Variants in JPH3 observed in about 807,000 individuals in gnomAD.
JPH3 encodes junctophilin-3.
Under a neutral mutation model 59.6 loss-of-function variants are expected in JPH3, and 11 were observed. That is an observed-to-expected ratio of 0.18 (90% confidence interval 0.12 to 0.31). The LOEUF (loss-of-function observed/expected upper bound fraction) is 0.31, where lower values mean the gene tolerates loss of function less well. JPH3 is among the 10% of genes least tolerant of loss of function. The pLI, the probability that JPH3 is intolerant of heterozygous loss-of-function variation, is 1.00. For synonymous variants in JPH3, 673 were observed against 483.6 expected (o/e 1.39, Z -5.14); for missense variants, 1,202 against 1,105.7 (o/e 1.09, Z -1.24).
intron 2 of JPH3, among the ~76,000 whole-genome samples, chr16:87,651,025 C>G (rs1003046181): frequency 6.6e-6 from 1 of 152,362 alleles, no homozygotes; most frequent in Admixed American, 6.5e-5. Context: ...CAGGCTGACT[C>G]TCTTGTTAGG....
chr16:87,675,876 A>G (rs539664401), intron 2 of JPH3, among the ~76,000 whole-genome samples: 1 of 152,272 alleles, frequency 6.6e-6, no homozygotes, highest in East Asian at 1.9e-4. Context: ...CCCTTCCTCC[A>G]GGCTGCCTGC....
intron 2 of JPH3, among the ~76,000 whole-genome samples, chr16:87,681,395 C>T (rs1276282596): frequency 1.4e-5 from 2 of 138,460 alleles, no homozygotes; most frequent in Admixed American, 7.2e-5. Flanking sequence ...AGGTCAGGTG[C>T]GCGCGGTCGT....
chr16:87,655,782 G>T (rs2032479920), intron 2 of JPH3, among the ~76,000 whole-genome samples: 1 of 152,260 alleles, frequency 6.6e-6, no homozygotes, highest in African/African-American at 2.4e-5. Flanking sequence ...TGGGGAACCA[G>T]TCTGGCCATC....
chr16:87,685,259 C>T (rs1263417639), intron 3 of JPH3, among the ~76,000 whole-genome samples: 1 of 152,232 alleles, frequency 6.6e-6, no homozygotes, highest in Non-Finnish European at 1.5e-5. Flanking sequence ...GCAGAGCCTG[C>T]AGCTGCAGCC....
chr16:87,689,078 G>A (rs536147009), intron 3 of JPH3, among the ~76,000 whole-genome samples: 6 of 152,220 alleles, frequency 3.9e-5, no homozygotes, highest in East Asian at 1.9e-4. Context: ...GGGGAGCCCC[G>A]CCCTAGGACT....
intron 2 of JPH3, among the ~76,000 whole-genome samples, chr16:87,652,639 G>A (rs1326691729): frequency 1.3e-5 from 2 of 152,200 alleles, no homozygotes; most frequent in South Asian, 2.1e-4. Context: ...GGCCTGGCTG[G>A]GGTCAGCCCC....
chr16:87,689,882 G>A lies in JPH3; in HGVS notation c.1522G>A (p.Asp508Asn), dbSNP rs1412122303. ...CCACTTCTCGAGGCAGGTGTCGGTG[G>A]ACGAGGAGCGGGGCGGGGACATCCA... is the stretch of plus-strand genomic sequence containing the variant. ...VAHFSRQVSV[D>N]EERGGDIQML... The change falls in exon 4 of 5, where the codon GAC (aspartate) becomes AAC (asparagine). Residue 508 changes from aspartate (D) to asparagine (N), a missense_variant. Coordinates refer to ENST00000284262, the MANE Select transcript of JPH3 (RefSeq NM_020655.4). The A allele has an allele frequency of 2.7e-6, 4 of 1,483,554 alleles. No individual in the cohort carries two copies. The highest frequency in any genetic ancestry group is 3.6e-6 in the Non-Finnish European group (4 of 1,116,858). 91.9% of individuals were successfully genotyped at this position (1,483,554 alleles called of 1,614,324 possible).
chr16:87,652,507 A>G (rs1401406497), intron 2 of JPH3, among the ~76,000 whole-genome samples: 2 of 152,266 alleles, frequency 1.3e-5, no homozygotes, highest in African/African-American at 2.4e-5. Context: ...TCTGCCGTCC[A>G]GGCCGGAGCG....
intron 1 of JPH3, among the ~76,000 whole-genome samples, chr16:87,612,666 A>G (rs2030773385): frequency 6.6e-6 from 1 of 152,156 alleles, no homozygotes; most frequent in South Asian, 2.1e-4. Flanking sequence ...GCAGCTGTAG[A>G]TAAGAGTTTT....
chr16:87,619,607 A>G (rs905145438), intron 1 of JPH3, among the ~76,000 whole-genome samples: 1 of 152,142 alleles, frequency 6.6e-6, no homozygotes, highest in African/African-American at 2.4e-5. Flanking sequence ...TCCGGCTGTC[A>G]CTATCTGGCT....
chr16:87,696,810 T>C lies in JPH3; in HGVS notation c.*150T>C, dbSNP rs2033881127. The C allele has an allele frequency of 1.5e-6, 1 of 664,646 alleles. No individual in the cohort carries two copies. 41.2% of individuals were successfully genotyped at this position (664,646 alleles called of 1,614,324 possible). On this transcript the variant is annotated 3_prime_UTR_variant, in exon 5 of 5. Transcript: ENST00000284262. ...GAAGAACCACACGATTGGGTATCAC[T>C]CACAGTTTGCCTTTTTTTCTGGGTA...
intron 1 of JPH3, among the ~76,000 whole-genome samples, chr16:87,637,443 T>TG (rs10686570): frequency 1.2e-4 from 18 of 150,894 alleles, no homozygotes; most frequent in African/African-American, 4.4e-4. Flanking sequence ...TGTGTGTGTG[T>TG]TTTAAATGAA....
chr16:87,636,647 G>A (rs554579417), intron 1 of JPH3, among the ~76,000 whole-genome samples: 1 of 152,238 alleles, frequency 6.6e-6, no homozygotes. Flanking sequence ...GTGCTTTCGT[G>A]TAGCCAAACC....
chr16:87,620,564 A>G (rs1335692710), intron 1 of JPH3, among the ~76,000 whole-genome samples: 1 of 143,970 alleles, frequency 6.9e-6, no homozygotes, highest in African/African-American at 2.6e-5. Context: ...GCAGAGGGGG[A>G]ACGTCAGTCC....
chr16:87,647,714 C>A (rs146411408), intron 2 of JPH3, among the ~76,000 whole-genome samples: 2 of 152,320 alleles, frequency 1.3e-5, no homozygotes, highest in Admixed American at 6.5e-5. Flanking sequence ...ACACCACTCA[C>A]GGCCTCCTCA....
At chr16:87,650,169 A>G (rs1282022384) in intron 2 of JPH3, among the ~76,000 whole-genome samples, 3 of 152,206 alleles carry the variant, frequency 2.0e-5, no homozygotes, top group African/African-American at 7.2e-5. Context: ...ACGTGCTCAC[A>G]TCGTGTGTCC....
At chr16:87,658,383 CCTTT>C (rs1194998531) in intron 2 of JPH3, among the ~76,000 whole-genome samples, 3 of 149,676 alleles carry the variant, frequency 2.0e-5, no homozygotes, top group South Asian at 2.2e-4. Context: ...TCTCTTTTTC[CCTTT>C]CTCTTTTCCT....
chr16:87,644,790 C>A lies in JPH3; in HGVS notation c.915C>A (p.Arg305=), dbSNP rs1490552097. ...GCTCCGGCTTCGGCGTGAGCCAGCG[C>A]TCGGACGGGCTCAAGTACGAGGGCG... ...DKRSGFGVSQ[R]SDGLKYEGEW... is the part of the protein sequence containing the mutation. Residue 305 remains arginine (R), a synonymous_variant, in exon 2 of 5, where the codon CGC becomes CGA. Coordinates refer to ENST00000284262, the MANE Select transcript of JPH3 (RefSeq NM_020655.4). 1.2e-6 allele frequency: 2 copies of A among 1,613,340 alleles called. No individual in the cohort carries two copies. Among genetic ancestry groups the A allele is most frequent in the Admixed American group, 1.7e-5 (1 of 59,992 alleles).
intron 1 of JPH3, chr16:87,604,542 T>A (rs561690345): frequency 7.9e-7 from 1 of 1,258,838 alleles, no homozygotes; most frequent in South Asian, 1.5e-5. Context: ...CTCGGGCGGC[T>A]CGCCTGTTTC....
Sources: gnomAD v4.1 joint callset for allele counts (sites outside exome capture counted in the v4.1 genomes callset) on GRCh38, gnomAD v4.1.1 for gene constraint, MANE v1.5 for transcripts, NCBI Gene and HGNC (gene_info 2026-07-23, HGNC 2026-07-21) for gene names.